The following ZC4H2 variants were observed in gnomAD, a reference collection of about 807,000 sequenced individuals.
The protein encoded by ZC4H2 is zinc finger C4H2-type containing.
For missense variants in ZC4H2, 137 were observed against 173.9 expected, an observed-to-expected ratio of 0.79 and a Z score of 1.19; for synonymous variants, 84 against 66.3, an observed-to-expected ratio of 1.27 and a Z score of -1.30.
chrX:64,935,735 C>A (rs1190760791), intron 1 of ZC4H2, among the ~76,000 whole-genome samples: 1 of 111,579 alleles, frequency 9.0e-6, no homozygotes, highest in African/African-American at 3.3e-5. Context: ...CAGAGGGGCC[C>A]GACTGTTAGA....
At chrX:64,934,519 G>C (rs1232187857) in intron 1 of ZC4H2, among the ~76,000 whole-genome samples, 1 of 111,896 alleles carries the variant, frequency 8.9e-6, no homozygotes, top group Non-Finnish European at 1.9e-5. Context: ...TTTCATTCCT[G>C]ATATCAGAAA....
At chrX:65,002,401 G>A (rs929610660) in intron 1 of ZC4H2, among the ~76,000 whole-genome samples, 9 of 107,776 alleles carry the variant, frequency 8.4e-5, no homozygotes, top group African/African-American at 2.7e-4. Context: ...GGGAGGCGGG[G>A]GGTCAGCCCC....
At chrX:64,930,822 G>A (rs1164260783) in intron 1 of ZC4H2, among the ~76,000 whole-genome samples, 4 of 110,206 alleles carry the variant, frequency 3.6e-5, no homozygotes, top group South Asian at 7.6e-4. Context: ...GGTCTGTAGC[G>A]TTTTTGGTTG....
intron 1 of ZC4H2, among the ~76,000 whole-genome samples, chrX:64,959,934 C>T (rs999233340): frequency 1.8e-5 from 2 of 110,970 alleles, no homozygotes; most frequent in Non-Finnish European, 3.8e-5. Flanking sequence ...GAGAAATAAC[C>T]TTGACTTTCA....
At chrX:64,978,220 T>C (rs1932006450), upstream of ZC4H2, among the ~76,000 whole-genome samples, 1 of 111,907 alleles carries the variant, frequency 8.9e-6, no homozygotes, top group Non-Finnish European at 1.9e-5. Flanking sequence ...TTGTGGAACA[T>C]GAATCTCATG....
chrX:64,923,272 C>T (rs1388252417), intron 1 of ZC4H2, among the ~76,000 whole-genome samples: 1 of 111,804 alleles, frequency 8.9e-6, no homozygotes, highest in Non-Finnish European at 1.9e-5. Context: ...TTTCAAGGGC[C>T]TTTAATAACA....
At chrX:65,026,099 A>C (rs1384418662) in intron 1 of ZC4H2, among the ~76,000 whole-genome samples, 1 of 112,042 alleles carries the variant, frequency 8.9e-6, no homozygotes, top group East Asian at 2.8e-4. Flanking sequence ...ACGAATGGGC[A>C]TGAGACCTAT....
intron 1 of ZC4H2, among the ~76,000 whole-genome samples, chrX:65,004,747 G>T (rs1932621096): frequency 8.9e-6 from 1 of 112,193 alleles, no homozygotes; most frequent in Admixed American, 9.4e-5. Flanking sequence ...TCAGGCAAGA[G>T]AAAGAAATAA....
intron 1 of ZC4H2, among the ~76,000 whole-genome samples, chrX:64,928,377 G>C (rs990196877): frequency 4.5e-5 from 5 of 111,753 alleles, no homozygotes; most frequent in African/African-American, 1.6e-4. Context: ...TATTAAATAG[G>C]GAATCCTTTC....
chrX:64,975,093 T>C (rs1427789421), intron 1 of ZC4H2, among the ~76,000 whole-genome samples: 1 of 110,270 alleles, frequency 9.1e-6, no homozygotes, highest in Non-Finnish European at 1.9e-5. Context: ...TGTGGCAATT[T>C]CAAGCTGCGT....
chrX:65,000,937 GAA>G (rs1333820093), intron 1 of ZC4H2, among the ~76,000 whole-genome samples: 1 of 111,624 alleles, frequency 9.0e-6, no homozygotes, highest in East Asian at 2.8e-4. Flanking sequence ...GGGGCTATGT[GAA>G]AAGACCAAAC....
intron 1 of ZC4H2, among the ~76,000 whole-genome samples, chrX:64,971,489 G>A (rs773827953): frequency 8.9e-6 from 1 of 111,957 alleles, no homozygotes; most frequent in South Asian, 3.8e-4. Context: ...AAGAGAAAGG[G>A]GAGTCAACAT....
chrX:64,927,228 C>T (rs1440311574), intron 1 of ZC4H2, among the ~76,000 whole-genome samples: 1 of 110,603 alleles, frequency 9.0e-6, no homozygotes, highest in African/African-American at 3.3e-5. Context: ...TGGTTTGCTG[C>T]ACCGATCAAC....
chrX:64,949,636 T>C (rs994664000), intron 1 of ZC4H2, among the ~76,000 whole-genome samples: 1 of 111,571 alleles, frequency 9.0e-6, no homozygotes, highest in Admixed American at 9.5e-5. Context: ...ATGATATTAA[T>C]ATATGTTCCT....
chrX:64,989,679 T>A (rs57706852), intron 1 of ZC4H2, among the ~76,000 whole-genome samples: 9,319 of 111,721 alleles, frequency 0.083, 1,034 homozygotes, highest in African/African-American at 0.29. Context: ...CCCTCAAAGT[T>A]CAACAGTAAA....
intron 1 of ZC4H2, among the ~76,000 whole-genome samples, chrX:64,982,216 G>A (rs1932096779): frequency 8.9e-6 from 1 of 111,760 alleles, no homozygotes; most frequent in African/African-American, 3.3e-5. Flanking sequence ...AAAACTGACT[G>A]TCTAGCTCCA....
chrX:64,925,951 G>A (rs1369420995), intron 1 of ZC4H2, among the ~76,000 whole-genome samples: 2 of 112,069 alleles, frequency 1.8e-5, no homozygotes, highest in African/African-American at 6.5e-5. Context: ...GAAATACCAA[G>A]GACCAAGACC....
At chrX:64,970,341 C>T (rs1018548220) in intron 1 of ZC4H2, among the ~76,000 whole-genome samples, 2 of 111,374 alleles carry the variant, frequency 1.8e-5, no homozygotes, top group African/African-American at 6.5e-5. Flanking sequence ...TTAATTTGCC[C>T]ATCCACAAGT....
chrX:64,951,770 A>G (rs1426368104), intron 1 of ZC4H2, among the ~76,000 whole-genome samples: 1 of 110,746 alleles, frequency 9.0e-6, no homozygotes, highest in South Asian at 3.8e-4. Context: ...CTCTGATGGT[A>G]GTTTCTTTTG....
Sources: allele counts gnomAD v4.1 joint callset (sites outside exome capture counted in the v4.1 genomes callset), GRCh38; gene constraint gnomAD v4.1.1; transcripts MANE v1.5; gene names NCBI Gene and HGNC (gene_info 2026-07-23, HGNC 2026-07-21).